DDX25: variants seen among roughly 807,000 people sequenced by gnomAD.
The protein encoded by DDX25 is DEAD-box helicase 25.
In DDX25, 70 loss-of-function variants were observed where a neutral mutation model predicts 64.6. That is an observed-to-expected ratio of 1.08 (90% confidence interval 0.89 to 1.32). The LOEUF (loss-of-function observed/expected upper bound fraction) is 1.32. Ranked by LOEUF, DDX25 falls within the 40% of genes most tolerant of loss-of-function variation. The pLI, the probability that DDX25 is intolerant of heterozygous loss-of-function variation, is 0.00. For synonymous variants in DDX25, 211 were observed against 213.3 expected, an observed-to-expected ratio of 0.99 and a Z score of 0.09; for missense variants, 587 against 604.4, an observed-to-expected ratio of 0.97 and a Z score of 0.30.
At position 125,923,578 on chromosome 11, in the gene DDX25, G is replaced by A. The variant is rs1945140555; in HGVS notation, c.*697G>A. The A allele has an allele frequency of 1.3e-5, 1 of 79,470 alleles. No individual in the cohort carries two copies. Among genetic ancestry groups the A allele is most frequent in the East Asian group, 3.8e-4 (1 of 2,632 alleles). The allele number at this position is 79,470 out of a possible 1,614,324, so 4.9% of individuals were successfully genotyped here. Reference sequence around the variant, plus strand: ...GGCATTTCTTAAAAGCAGTCGGGAGGGTAAAAAAAAAACCCACATACCCTA... The same window carrying A: ...GGCATTTCTTAAAAGCAGTCGGGAGAGTAAAAAAAAAACCCACATACCCTA... On this transcript the variant is annotated 3_prime_UTR_variant, in exon 12 of 12. Coordinates refer to ENST00000263576, the MANE Select transcript of DDX25 (RefSeq NM_013264.5).
At chr11:125,903,867 A>G (rs1944834779), upstream of DDX25, among the ~76,000 whole-genome samples, 1 of 152,216 alleles carries the variant, frequency 6.6e-6, no homozygotes, top group Non-Finnish European at 1.5e-5. Context: ...TAGGACGTAG[A>G]GGTTATACCG....
At chr11:125,905,769 A>G (rs1442350931) in intron 3 of DDX25, among the ~76,000 whole-genome samples, 172 bp downstream of exon 3, 3 of 152,234 alleles carry the variant, frequency 2.0e-5, no homozygotes, top group African/African-American at 7.2e-5. Flanking sequence ...TATTTATTTA[A>G]AGGAAGTTGA....
intron 8 of DDX25, among the ~76,000 whole-genome samples, chr11:125,913,196 C>G (rs1409139005): frequency 6.6e-6 from 1 of 150,400 alleles, no homozygotes; most frequent in Admixed American, 6.6e-5. Flanking sequence ...CTCTTTTTTC[C>G]TGCCAATATT....
Position 125,921,099 on chromosome 11 carries a change from T to A in DDX25, c.1202-92T>A. The A allele has an allele frequency of 1.5e-6, 2 of 1,309,168 alleles. No homozygotes were observed. Among genetic ancestry groups the A allele is most frequent in the East Asian group, 5.1e-5 (2 of 39,454 alleles). The allele number at this position is 1,309,168 out of a possible 1,614,324, so 81.1% of individuals were successfully genotyped here. A position where few individuals can be genotyped will look rare whatever the true frequency, so the allele number is the denominator to read the frequency against. On this transcript the variant is annotated intron_variant, in intron 10 of 11. Coordinates refer to ENST00000263576, the MANE Select transcript of DDX25 (RefSeq NM_013264.5). This position sits in a 1 kb window ranked among gnomAD's most constrained non-coding sequence, Gnocchi z 4.1. ...TGGTTGGATTTCTAAATTTTCTCTA[T>A]AAATAGGAATTCCCTTGGCAGACGT...
intron 8 of DDX25, among the ~76,000 whole-genome samples, chr11:125,915,658 CA>C (rs1274085798): frequency 1.3e-5 from 2 of 152,240 alleles, no homozygotes; most frequent in Non-Finnish European, 2.9e-5. Context: ...TGTGACCCAG[CA>C]GGTGGCCAAG....
In DDX25 at chr11:125,908,243, C is replaced by T. The variant is rs749676147; in HGVS notation, c.359C>T (p.Pro120Leu). ...KGIYAMGFNR[P>L]SKIQEMALPM... The stretch of plus-strand genomic sequence containing the variant: ...ATCTATGCAATGGGATTTAATAGGC[C>T]ATCTAAAATCCAAGAGATGGCTCTC... The change falls in exon 5 of 12, where the codon CCA becomes CTA. Residue 120 changes from proline to leucine, a missense_variant. By Grantham distance (98) the Pro-to-Leu change is moderately conservative. Coordinates refer to ENST00000263576, the MANE Select transcript of DDX25 (RefSeq NM_013264.5). 1.2e-6 allele frequency: 2 copies of T among 1,612,938 alleles called. No individual in the cohort carries two copies. The highest frequency in any genetic ancestry group is 1.7e-6 in the Non-Finnish European group (2 of 1,179,438).
At chr11:125,913,492 C>T (rs1944993002) in intron 8 of DDX25, among the ~76,000 whole-genome samples, 1 of 152,138 alleles carries the variant, frequency 6.6e-6, no homozygotes, top group African/African-American at 2.4e-5. Flanking sequence ...CATTCTCTCT[C>T]TAAATTCAGA....
chr11:125,904,410 C>T (rs974522350), upstream of DDX25: 31 of 1,118,460 alleles, frequency 2.8e-5, no homozygotes, highest in Non-Finnish European at 3.2e-5. Context: ...CGGGCGCGGA[C>T]GCGGACGCCT....
At chr11:125,906,548 C>A (rs919406319) in intron 4 of DDX25, among the ~76,000 whole-genome samples, 5 of 152,046 alleles carry the variant, frequency 3.3e-5, no homozygotes, top group African/African-American at 1.2e-4. Flanking sequence ...TAGCTCAGGC[C>A]AGGCACAGTG....
At chr11:125,913,675 T>C (rs1944996547) in intron 8 of DDX25, among the ~76,000 whole-genome samples, 1 of 152,084 alleles carries the variant, frequency 6.6e-6, no homozygotes, top group African/African-American at 2.4e-5. Flanking sequence ...CTTTATGGTA[T>C]TCTGAAACTT....
rs1487078547 is a variant in DDX25, at chr11:125,923,079, TA to T, written c.*206del. The stretch of plus-strand genomic sequence containing the variant: ...ATGTGAAGCTTGTGATCCTTTTGAA[TA>T]AAAAAAAGGCAAGATTATTTCTTAT... On this transcript the variant is annotated 3_prime_UTR_variant, in exon 12 of 12. Transcript: ENST00000263576. The T allele has an allele frequency of 6.6e-5, 37 of 557,802 alleles. No individual in the cohort carries two copies. Among genetic ancestry groups the T allele is most frequent in the East Asian group, 8.7e-5 (3 of 34,430 alleles). The allele number at this position is 557,802 out of a possible 1,614,324, so 34.6% of individuals were successfully genotyped here.
Position 125,921,032 on chromosome 11 carries a change from C to A in DDX25, c.1202-159C>A. 1.4e-6 allele frequency: 1 copy of A among 693,266 alleles called. No individual in the cohort carries two copies. Among genetic ancestry groups the A allele is most frequent in the Non-Finnish European group, 2.3e-6 (1 of 426,798 alleles). 42.9% of individuals were successfully genotyped at this position (693,266 alleles called of 1,614,324 possible). A position where few individuals can be genotyped will look rare whatever the true frequency, so the allele number is the denominator to read the frequency against. ...CATCATAGACATCACAGCATGCAAG[C>A]AAACTTCCTAACCAAAGTACCTGTC... On this transcript the variant is annotated intron_variant, in intron 10 of 11. Transcript: ENST00000263576. The surrounding 1 kb of genome is among the most constrained non-coding windows in gnomAD (Gnocchi z 4.1).
chr11:125,910,743 G>GT (rs1395920458), intron 7 of DDX25, among the ~76,000 whole-genome samples: 2 of 152,158 alleles, frequency 1.3e-5, no homozygotes, highest in African/African-American at 4.8e-5. Context: ...ACACTTGGTT[G>GT]TTTTGTGCAG....
At chr11:125,903,482 C>T (rs571779383), upstream of DDX25, 1 of 152,562 alleles carries the variant, frequency 6.6e-6, no homozygotes, top group East Asian at 1.9e-4. Context: ...GATTGAAGAT[C>T]TTGGCTCGAT....
chr11:125,908,134 A>G, intron 4 of DDX25, 62 bp from the exon 5 acceptor site: 1 of 1,321,160 alleles, frequency 7.6e-7, no homozygotes. Flanking sequence ...CCTTTCAGGT[A>G]TGTATTTCTG....
chr11:125,904,221 C>A, upstream of DDX25: 1 of 304,298 alleles, frequency 3.3e-6, no homozygotes, highest in Non-Finnish European at 6.0e-6. Flanking sequence ...GGGCGCTCTC[C>A]ACTCTGCGGA....
intron 10 of DDX25, among the ~76,000 whole-genome samples, chr11:125,919,587 C>T (rs147599511): frequency 2.7e-5 from 4 of 148,656 alleles, no homozygotes; most frequent in Admixed American, 6.7e-5. Context: ...AAGGGCCTTC[C>T]GGCTTTCTTC....
At position 125,905,581 on chromosome 11, in the gene DDX25, T is replaced by C; in HGVS notation, c.159T>C (p.Asp53=). 6.4e-7 allele frequency: 1 copy of C among 1,551,730 alleles called. No homozygotes were observed. Among genetic ancestry groups the C allele is most frequent in the South Asian group, 1.2e-5 (1 of 84,046 alleles). Residue 53 remains aspartate (D), a synonymous_variant, in exon 3 of 12, where the codon GAT becomes GAC. Transcript: ENST00000263576. ...IDGSINNINE[D]DEEDVVDLAA... The stretch of plus-strand genomic sequence containing the variant: ...GTTCTATTAATAACATCAATGAAGA[T>C]GATGAAGAAGATGTAGGTAGGAGAT...
Position 125,910,479 on chromosome 11 carries a change from G to T in DDX25, c.622+1G>T, listed in dbSNP as rs935774889. ...ATGTATGCCATTCGAGGGAATCGAA[G>T]TATGTACCAGTAAGCCAGTCCTGGC... On this transcript the variant is annotated splice_donor_variant, in intron 7 of 11. Coordinates refer to ENST00000263576, the MANE Select transcript of DDX25 (RefSeq NM_013264.5). LOFTEE classifies it high-confidence loss of function. 5.0e-6 allele frequency: 8 copies of T among 1,613,436 alleles called. No individual in the cohort carries two copies. Among genetic ancestry groups the T allele is most frequent in the Non-Finnish European group, 6.8e-6 (8 of 1,179,540 alleles).
Sources: gnomAD v4.1 joint callset for allele counts (sites outside exome capture counted in the v4.1 genomes callset) on GRCh38, gnomAD v4.1.1 for gene constraint, Gnocchi (gnomAD v3.1) non-coding constraint, MANE v1.5 for transcripts, NCBI Gene and HGNC (gene_info 2026-07-23, HGNC 2026-07-21) for gene names.